EPB41L2: variants seen among roughly 807,000 people sequenced by gnomAD.
EPB41L2 encodes the protein erythrocyte membrane protein band 4.1 like 2.
EPB41L2 carries 43 observed loss-of-function variants against 113.0 expected under a neutral mutation model. The ratio of observed to expected loss-of-function variants is 0.38; its 90% confidence interval spans 0.30 to 0.49. The LOEUF is 0.49. Ranked by LOEUF, EPB41L2 falls within the 20% of genes least tolerant of loss-of-function variation. The pLI is 0.95. For missense variants in EPB41L2, 1,147 were observed against 1,223.4 expected (o/e 0.94, Z 0.93); for synonymous variants, 442 against 436.7 (o/e 1.01, Z -0.15).
chr6:131,020,636 G>A (rs1789238907), intron 1 of EPB41L2, among the ~76,000 whole-genome samples: 1 of 152,180 alleles, frequency 6.6e-6, no homozygotes, highest in Non-Finnish European at 1.5e-5. Flanking sequence ...GGTGAGAGAT[G>A]CCAATCAATA....
intron 1 of EPB41L2, among the ~76,000 whole-genome samples, chr6:130,998,590 A>G (rs1321135563): frequency 1.3e-5 from 2 of 152,154 alleles, no homozygotes; most frequent in Non-Finnish European, 2.9e-5. Context: ...ACTTTATCTG[A>G]GGTGTATGTG....
At chr6:130,938,044 A>G (rs1023176677) in intron 3 of EPB41L2, among the ~76,000 whole-genome samples, 3 of 152,220 alleles carry the variant, frequency 2.0e-5, no homozygotes, top group Non-Finnish European at 4.4e-5. Context: ...AAAGTAGAAG[A>G]CAAGTTACAA....
chr6:130,936,826 C>G (rs1808971839), intron 3 of EPB41L2, among the ~76,000 whole-genome samples: 1 of 152,132 alleles, frequency 6.6e-6, no homozygotes, highest in Non-Finnish European at 1.5e-5. Flanking sequence ...TAAAGGAACC[C>G]AAACATGCAC....
intron 12 of EPB41L2, chr6:130,882,724 A>C (rs1454173494): frequency 6.5e-6 from 1 of 152,862 alleles, no homozygotes; most frequent in Non-Finnish European, 1.5e-5. Context: ...TGATTGGGAC[A>C]TAGTGCTGCA....
Position 130,901,183 on chromosome 6 carries a change from G to A in EPB41L2, c.930-3C>T. 2 of 1,612,734 alleles carry A rather than the reference G, an allele frequency of 1.2e-6. No individual in the cohort carries two copies. Among genetic ancestry groups the A allele is most frequent in the Non-Finnish European group, 1.7e-6 (2 of 1,179,810 alleles). On this transcript the variant is annotated splice_polypyrimidine_tract_variant and splice_region_variant and intron_variant, in intron 6 of 19. Coordinates refer to ENST00000337057, the MANE Select transcript of EPB41L2 (RefSeq NM_001431.4). The stretch of plus-strand genomic sequence containing the variant: ...GGAGCTGAAGGCACAAGAAGTATCT[G>A]TGAGGAGCAGAGGGAGAAATGGGTC...
rs9483202 is a variant in EPB41L2, at chr6:130,987,129, T to C, written c.-14-30630A>G. Among the ~76,000 whole-genome samples the C allele has an allele frequency of 8.1e-3, 1,234 of 152,326 alleles. 14 individuals carry two copies. The highest frequency in any genetic ancestry group is 0.026 in the African/African-American group (1,087 of 41,584). ...CAGAGGGTGTTTATCCATTCATCAA[T>C]TGATGGATATTTGGGTTGTGTCTGC... On this transcript the variant is annotated intron_variant, in intron 1 of 19. Coordinates refer to ENST00000337057, the MANE Select transcript of EPB41L2 (RefSeq NM_001431.4).
chr6:130,880,469 T>G, intron 12 of EPB41L2: 1 of 655,956 alleles, frequency 1.5e-6, no homozygotes, highest in Non-Finnish European at 2.7e-6. Flanking sequence ...CCAGCTGCGT[T>G]TCCTCTTCTT....
intron 5 of EPB41L2, among the ~76,000 whole-genome samples, chr6:130,906,662 C>T (rs1259066895): frequency 6.6e-6 from 1 of 152,144 alleles, no homozygotes; most frequent in Non-Finnish European, 1.5e-5. Context: ...AAATGAGAAT[C>T]ATTAAGTTGT....
chr6:130,880,202 T>C lies in EPB41L2; in HGVS notation c.1838A>G (p.Asn613Ser), dbSNP rs1480867022. ...PHLQLIEGKK[N>S]SLRVEGDNIY... Reference sequence around the variant, plus strand: ...ATTATCCCCTTCTACTCTCAAGGAATTTTTCTGTGAAATTAAATCACACAC... The same window carrying C: ...ATTATCCCCTTCTACTCTCAAGGAACTTTTCTGTGAAATTAAATCACACAC... The change falls in exon 13 of 20, where the codon AAT becomes AGT. Residue 613 changes from asparagine (N) to serine (S), a missense_variant. Asn to Ser is a conservative substitution (Grantham distance 46). Transcript: ENST00000337057. The C allele has an allele frequency of 1.9e-6, 3 of 1,607,148 alleles. No homozygotes were observed. In the African/African-American group the frequency reaches 4.0e-5, roughly 22 times the overall value.
chr6:130,995,314 G>A (rs139695234), intron 1 of EPB41L2, among the ~76,000 whole-genome samples: 7,845 of 151,708 alleles, frequency 0.052, 318 homozygotes, highest in East Asian at 0.12. Flanking sequence ...CAGCCTGGGC[G>A]ACTAAGCGAG....
intron 5 of EPB41L2, among the ~76,000 whole-genome samples, chr6:130,907,847 G>C (rs1053484226): frequency 1.4e-5 from 2 of 139,190 alleles, no homozygotes; most frequent in African/African-American, 4.9e-5. Context: ...GGAATAATAA[G>C]TAAGTAAGGA....
At chr6:130,991,632 C>T (rs1195934875) in intron 1 of EPB41L2, among the ~76,000 whole-genome samples, 3 of 151,962 alleles carry the variant, frequency 2.0e-5, no homozygotes, top group Non-Finnish European at 2.9e-5. Context: ...ATTTTTTTAC[C>T]GTTCAGCTCT....
chr6:131,003,084 G>A (rs1313345726), intron 1 of EPB41L2, among the ~76,000 whole-genome samples: 1 of 152,072 alleles, frequency 6.6e-6, no homozygotes, highest in African/African-American at 2.4e-5. Context: ...AATTAAAGCA[G>A]GAGGGATTAG....
intron 1 of EPB41L2, among the ~76,000 whole-genome samples, chr6:131,058,252 A>G (rs1797975692): frequency 6.6e-6 from 1 of 152,220 alleles, no homozygotes; most frequent in Non-Finnish European, 1.5e-5. Context: ...ATCACATGAA[A>G]TCTATTCCAA....
At chr6:131,034,586 C>T (rs1478790858) in intron 1 of EPB41L2, among the ~76,000 whole-genome samples, 1 of 152,212 alleles carries the variant, frequency 6.6e-6, no homozygotes. Context: ...AATCATACAA[C>T]TGGTTATAAC....
At chr6:131,028,879 C>T (rs1418183171) in intron 1 of EPB41L2, among the ~76,000 whole-genome samples, 1 of 152,124 alleles carries the variant, frequency 6.6e-6, no homozygotes, top group Non-Finnish European at 1.5e-5. Flanking sequence ...CTACACTTGC[C>T]ATGTCTTCAT....
intron 1 of EPB41L2, among the ~76,000 whole-genome samples, chr6:130,991,510 C>T (rs1295777651): frequency 6.6e-6 from 1 of 152,172 alleles, no homozygotes; most frequent in Non-Finnish European, 1.5e-5. Context: ...ACTTGGCTTA[C>T]CCTCATAAAT....
chr6:131,016,843 G>A (rs1362387945), intron 1 of EPB41L2, among the ~76,000 whole-genome samples: 3 of 113,904 alleles, frequency 2.6e-5, no homozygotes, highest in Admixed American at 8.3e-5. Flanking sequence ...TACTATATTC[G>A]CACACAAAAA....
At chr6:130,868,843 C>T (rs1784743952) in intron 15 of EPB41L2, 1 of 152,214 alleles carries the variant, frequency 6.6e-6, no homozygotes, top group Non-Finnish European at 1.5e-5. Flanking sequence ...ATCCACAAAA[C>T]ATATAATCAT....
Sources: gnomAD v4.1 joint callset for allele counts (sites outside exome capture counted in the v4.1 genomes callset) on GRCh38, gnomAD v4.1.1 for gene constraint, MANE v1.5 for transcripts, NCBI Gene and HGNC (gene_info 2026-07-23, HGNC 2026-07-21) for gene names.